CHD1L: variants seen among roughly 807,000 people sequenced by gnomAD.
CHD1L encodes chromodomain helicase DNA binding protein 1 like, also known as ATP-dependent chromatin remodeler CHD1L.
Under a neutral mutation model 115.9 loss-of-function variants are expected in CHD1L, and 118 were observed. The observed-to-expected ratio is 1.02, with a 90% CI of 0.88 to 1.19. The LOEUF is 1.19. Among genes scored for constraint, CHD1L ranks in the 50% most tolerant of loss-of-function variants. The pLI, the probability that CHD1L is intolerant of heterozygous loss-of-function variation, is 0.00. For missense variants in CHD1L, 1,179 were observed against 1,065.3 expected (o/e 1.11, Z -1.49); for synonymous variants, 411 against 387.1 (o/e 1.06, Z -0.72).
In CHD1L at chr1:147,275,457, T is replaced by A; in HGVS notation, c.1374T>A (p.Ile458=). The part of the protein sequence containing the change: ...DLQAAARAHR[I]GQNKSVKVIR... ...AAGCAGCTGCCAGGGCTCATCGCAT[T>A]GGCCAAAACAAGTAAGTGATTTTTT... Residue 458 remains isoleucine (I), a synonymous_variant, in exon 13 of 23, where the codon ATT becomes ATA. Coordinates refer to ENST00000369258, the MANE Select transcript of CHD1L (RefSeq NM_004284.6). The A allele has an allele frequency of 6.2e-7, 1 of 1,613,748 alleles. No individual in the cohort carries two copies. The highest frequency in any genetic ancestry group is 1.1e-5 in the South Asian group (1 of 91,074).
intron 3 of CHD1L, among the ~76,000 whole-genome samples, chr1:147,255,497 G>A (rs1429589977): frequency 6.6e-6 from 1 of 152,172 alleles, no homozygotes; most frequent in Non-Finnish European, 1.5e-5. Flanking sequence ...AAAGTGCTGG[G>A]ATTACAGGTG....
At chr1:147,261,196 C>T (rs1571786754) in intron 6 of CHD1L, among the ~76,000 whole-genome samples, 1 of 152,150 alleles carries the variant, frequency 6.6e-6, no homozygotes, top group African/African-American at 2.4e-5. Flanking sequence ...ACAGTATCTC[C>T]TTCTGAGAGC....
intron 6 of CHD1L, among the ~76,000 whole-genome samples, chr1:147,263,342 A>G (rs1553945528): frequency 3.3e-5 from 5 of 151,132 alleles, no homozygotes; most frequent in Non-Finnish European, 7.4e-5. Context: ...AAGTGGGAAG[A>G]TCACTTGAAC....
chr1:147,289,156 T>C (rs942078061), intron 19 of CHD1L, among the ~76,000 whole-genome samples: 1 of 152,134 alleles, frequency 6.6e-6, no homozygotes, highest in African/African-American at 2.4e-5. Flanking sequence ...ATTGGGCAGT[T>C]GGCAAAGCAA....
At chr1:147,292,430 T>C (rs587623801) in intron 20 of CHD1L, among the ~76,000 whole-genome samples, 17 of 152,276 alleles carry the variant, frequency 1.1e-4, no homozygotes, top group African/African-American at 3.9e-4. Context: ...TGGGTTCATG[T>C]TCAGATTTTA....
the CHD1L span, among the ~76,000 whole-genome samples, chr1:147,222,490 G>C: frequency 1.3e-5 from 2 of 152,080 alleles, no homozygotes; most frequent in Non-Finnish European, 2.9e-5. Context: ...GGACAGTTTG[G>C]GGCTTCTGTT....
chr1:147,236,067 A>T, the CHD1L span, among the ~76,000 whole-genome samples: 26 of 152,316 alleles, frequency 1.7e-4, no homozygotes, highest in South Asian at 8.3e-4. Flanking sequence ...ATGCACAGCC[A>T]GGCATGCCAG....
the CHD1L span, among the ~76,000 whole-genome samples, chr1:147,185,370 C>G: frequency 0.013 from 1,911 of 152,090 alleles, 42 homozygotes; most frequent in African/African-American, 0.044. Context: ...TAAAAGGAAG[C>G]AAGAGACATT....
the CHD1L span, chr1:147,178,179 G>A: frequency 6.2e-7 from 1 of 1,611,526 alleles, no homozygotes; most frequent in South Asian, 1.1e-5. Context: ...CCCGCCTCGC[G>A]GCTGCCTCCG....
chr1:147,262,485 T>C (rs1672303621), intron 6 of CHD1L, among the ~76,000 whole-genome samples: 1 of 152,206 alleles, frequency 6.6e-6, no homozygotes, highest in Non-Finnish European at 1.5e-5. Context: ...ATTTGTGTCA[T>C]AGGGTAAGTT....
At chr1:147,222,932 C>T in the CHD1L span, among the ~76,000 whole-genome samples, 1 of 152,228 alleles carries the variant, frequency 6.6e-6, no homozygotes, top group African/African-American at 2.4e-5. Context: ...AAAGACACCA[C>T]ATGTGTGAGT....
intron 1 of CHD1L, 39 bp downstream of exon 1, chr1:147,242,869 A>C: frequency 2.6e-5 from 33 of 1,257,144 alleles, no homozygotes; most frequent in Non-Finnish European, 3.2e-5. Context: ...AGGCGGGCCA[A>C]CCTATTGGGA....
intron 1 of CHD1L, among the ~76,000 whole-genome samples, chr1:147,243,913 T>A (rs1463904006): frequency 1.1e-4 from 16 of 152,222 alleles, no homozygotes; most frequent in African/African-American, 3.6e-4. Flanking sequence ...GGTGCAATTC[T>A]GTGTTCAGCT....
rs1681077634 is a variant in CHD1L at position 147,282,005 on chromosome 1, CTATAGTCACCATGG to C, written c.1705+1817_1705+1830del. On this transcript the variant is annotated intron_variant, in intron 15 of 22. Coordinates refer to ENST00000369258, the MANE Select transcript of CHD1L (RefSeq NM_004284.6). ...CAGGAATACAATATGTCATCATTAG[CTATAGTCACCATGG>C]TACCTCTTTTTCTAAAAAGGAAAAT... is the stretch of plus-strand genomic sequence containing the variant. Among the ~76,000 whole-genome samples, 3 of 152,296 alleles carry C rather than the reference CTATAGTCACCATGG, an allele frequency of 2.0e-5. No homozygotes were observed. The South Asian group carries it at 6.2e-4, about 32-fold the overall frequency.
intron 1 of CHD1L, among the ~76,000 whole-genome samples, chr1:147,244,206 A>T (rs1002948244): frequency 8.5e-5 from 13 of 152,364 alleles, no homozygotes; most frequent in Non-Finnish European, 8.8e-5. Flanking sequence ...AGCTGTGGAT[A>T]ATATGCCAGG....
In CHD1L at chr1:147,294,538, T is replaced by C. The variant is rs371220524; in HGVS notation, c.2615+21T>C. The C allele has an allele frequency of 9.3e-5, 146 of 1,574,012 alleles. No individual in the cohort carries two copies. The East Asian group carries it at 3.0e-3, about 33-fold the overall frequency. ...TACATGTATCCTTTTGTGATCTTCA[T>C]TGTGTGTTCTCCCAACCCAAGAGGG... On this transcript the variant is annotated intron_variant, in intron 22 of 22. Coordinates refer to ENST00000369258, the MANE Select transcript of CHD1L (RefSeq NM_004284.6).
the CHD1L span, among the ~76,000 whole-genome samples, chr1:147,189,152 T>C: frequency 3.6e-4 from 54 of 152,106 alleles, 1 homozygote; most frequent in South Asian, 6.6e-3. Context: ...TGTGCACCTG[T>C]AGTCCTAGCT....
At chr1:147,175,861 A>C in the CHD1L span, 1 of 150,332 alleles carries the variant, frequency 6.7e-6, no homozygotes, top group Non-Finnish European at 1.5e-5. Context: ...GCATTATGGG[A>C]AGTAAAAGAA....
the CHD1L span, chr1:147,187,339 A>G: frequency 1.7e-5 from 14 of 830,882 alleles, no homozygotes; most frequent in East Asian, 3.1e-4. Flanking sequence ...TTGGCTCAAT[A>G]TCAGACTAGG....
Sources: gnomAD v4.1 joint callset for allele counts (sites outside exome capture counted in the v4.1 genomes callset) on GRCh38, gnomAD v4.1.1 for gene constraint, MANE v1.5 for transcripts, NCBI Gene and HGNC (gene_info 2026-07-23, HGNC 2026-07-21) for gene names.